The following NOD2 variants were observed in gnomAD, a reference collection of about 807,000 sequenced individuals.
NOD2 encodes the protein nucleotide-binding oligomerization domain-containing protein 2.
Under a neutral mutation model 90.9 loss-of-function variants are expected in NOD2, and 86 were observed. The ratio of observed to expected loss-of-function variants is 0.95; its 90% confidence interval spans 0.79 to 1.13. The LOEUF (loss-of-function observed/expected upper bound fraction) is 1.13. Among genes scored for constraint, NOD2 ranks in the 50% most tolerant of loss-of-function variants. The probability of loss-of-function intolerance (pLI) is 0.00; values close to 1 mark genes in which losing one functional copy is unlikely to be tolerated. For synonymous variants in NOD2, 581 were observed against 554.6 expected, an observed-to-expected ratio of 1.05 and a Z score of -0.67; for missense variants, 1,238 against 1,283.8, an observed-to-expected ratio of 0.96 and a Z score of 0.55.
At chr16:50,719,713 G>A (rs753130463) in intron 6 of NOD2, 88 of 683,706 alleles carry the variant, frequency 1.3e-4, no homozygotes, top group South Asian at 5.8e-4. Context: ...TGCAAACAGC[G>A]TCCCGCTGCC....
At chr16:50,707,469 A>G (rs1178513388) in intron 2 of NOD2, among the ~76,000 whole-genome samples, 1 of 152,218 alleles carries the variant, frequency 6.6e-6, no homozygotes, top group African/African-American at 2.4e-5. Flanking sequence ...CAGGCTGGAG[A>G]TGAAGATGTG....
intron 11 of NOD2, among the ~76,000 whole-genome samples, chr16:50,730,632 A>G (rs912179806): frequency 1.3e-5 from 2 of 152,242 alleles, no homozygotes; most frequent in South Asian, 2.1e-4. Flanking sequence ...TAGAAAATCT[A>G]TATCTCAGGG....
At chr16:50,718,842 C>T (rs982053334) in intron 6 of NOD2, among the ~76,000 whole-genome samples, 1 of 152,156 alleles carries the variant, frequency 6.6e-6, no homozygotes, top group Non-Finnish European at 1.5e-5. Flanking sequence ...GCTTGTTTCT[C>T]CTTATGTGAG....
intron 4 of NOD2, among the ~76,000 whole-genome samples, chr16:50,716,234 G>T (rs1398331027): frequency 6.6e-6 from 1 of 152,212 alleles, no homozygotes; most frequent in Non-Finnish European, 1.5e-5. Context: ...GCATATATCA[G>T]CTCCTTTCCA....
chr16:50,733,066 T>C lies in NOD2; in HGVS notation c.*1247T>C, dbSNP rs1965509297. 1 of 152,352 alleles carries C rather than the reference T, an allele frequency of 6.6e-6. No homozygotes were observed. The highest frequency in any genetic ancestry group is 1.5e-5 in the Non-Finnish European group (1 of 68,044). 9.4% of individuals were successfully genotyped at this position (152,352 alleles called of 1,614,324 possible). A position where few individuals can be genotyped will look rare whatever the true frequency, so the allele number is the denominator to read the frequency against. Reference sequence around the variant, plus strand: ...AAATAATCAGAGGGGAATAAACTGTTGAGTCAAAACAGCCATCTTCCTTGT... The same window carrying C: ...AAATAATCAGAGGGGAATAAACTGTCGAGTCAAAACAGCCATCTTCCTTGT... On this transcript the variant is annotated 3_prime_UTR_variant, in exon 12 of 12. Transcript: ENST00000647318.
chr16:50,717,947 A>G (rs1596887098), intron 6 of NOD2, among the ~76,000 whole-genome samples: 1 of 152,336 alleles, frequency 6.6e-6, no homozygotes, highest in East Asian at 1.9e-4. Context: ...AGCCCTACAC[A>G]TACCATGCTT....
intron 3 of NOD2, among the ~76,000 whole-genome samples, chr16:50,709,500 A>G (rs551675137): frequency 1.3e-5 from 2 of 152,274 alleles, no homozygotes; most frequent in South Asian, 2.1e-4. Flanking sequence ...TACTTTCAGG[A>G]TGAGAAAGGA....
Position 50,701,154 on chromosome 16 carries a change from C to T in NOD2, c.459+1200C>T, listed in dbSNP as rs1245375215. Reference sequence around the variant, plus strand: ...GGCCAGCACTGGTCATTGACTTATTCATCCATCATTCATTTATTCAGCCAG... The same window carrying T: ...GGCCAGCACTGGTCATTGACTTATTTATCCATCATTCATTTATTCAGCCAG... On this transcript the variant is annotated intron_variant, in intron 2 of 11. Transcript: ENST00000647318. 3.9e-5 allele frequency among the ~76,000 whole-genome samples: 6 copies of T among 152,214 alleles called. No homozygotes were observed. In the East Asian group the frequency reaches 9.6e-4, roughly 24 times the overall value.
In NOD2 at chr16:50,718,501, A is replaced by G. The variant is rs528861514; in HGVS notation, c.2550-1424A>G. Among the ~76,000 whole-genome samples the G allele has an allele frequency of 2.0e-5, 3 of 152,392 alleles. No individual in the cohort carries two copies. The South Asian group carries it at 6.2e-4, about 32-fold the overall frequency. ...TTTCCATTTAATATTTTTGGACTGC[A>G]GTTGATTTCAGATAACTGAAACCAT... is the stretch of plus-strand genomic sequence containing the variant. On this transcript the variant is annotated intron_variant, in intron 6 of 11. Transcript: ENST00000647318.
Position 50,699,906 on chromosome 16 carries a change from G to T in NOD2, c.411G>T (p.Gln137His). Residue 137 changes from glutamine to histidine, a missense_variant, in exon 2 of 12, where the codon CAG becomes CAT. Gln to His is a conservative substitution (Grantham distance 24, BLOSUM62 0). This residue lies in a region of NOD2 where 567 missense variants were observed against 577.3 expected (regional missense o/e 0.98). Coordinates refer to ENST00000647318, the MANE Select transcript of NOD2 (RefSeq NM_001370466.1). Reference protein sequence around the residue: ...DLAWERGFVSQYECDEIRLPI... With the variant: ...DLAWERGFVSHYECDEIRLPI... ...CATGGGAGCGGGGTTTCGTCAGCCAGTATGAATGTGATGAAATCAGGTTGC... is the reference window on the plus strand; with the variant it reads ...CATGGGAGCGGGGTTTCGTCAGCCATTATGAATGTGATGAAATCAGGTTGC... 1 of 1,611,898 alleles carries T rather than the reference G, an allele frequency of 6.2e-7. No homozygotes were observed. The highest frequency in any genetic ancestry group is 8.5e-7 in the Non-Finnish European group (1 of 1,180,024).
intron 1 of NOD2, chr16:50,697,646 G>A (rs930079326): frequency 8.2e-5 from 33 of 401,542 alleles, no homozygotes; most frequent in Admixed American, 4.7e-4. Context: ...GTGGGCACAA[G>A]GAGGAGAACT....
Position 50,722,635 on chromosome 16 carries a change from A to G in NOD2, c.2647A>G (p.Arg883Gly). 1 of 1,614,248 alleles carries G rather than the reference A, an allele frequency of 6.2e-7. No homozygotes were observed. Among genetic ancestry groups the G allele is most frequent in the Non-Finnish European group, 8.5e-7 (1 of 1,180,034 alleles). ...SLQFLGFWGN[R>G]VGDEGAQALA... Reference sequence around the variant, plus strand: ...TGGCCTTTTCAGATTCTGGGGCAACAGAGTGGGTGACGAGGGGGCCCAGGC... The same window carrying G: ...TGGCCTTTTCAGATTCTGGGGCAACGGAGTGGGTGACGAGGGGGCCCAGGC... The change falls in exon 8 of 12, where the codon AGA becomes GGA. Residue 883 changes from arginine to glycine, a missense_variant. Coordinates refer to ENST00000647318, the MANE Select transcript of NOD2 (RefSeq NM_001370466.1).
chr16:50,720,861 G>A (rs937148441), intron 7 of NOD2, among the ~76,000 whole-genome samples: 4 of 152,142 alleles, frequency 2.6e-5, no homozygotes, highest in African/African-American at 9.7e-5. Context: ...CTAGAGTGCA[G>A]TGGCACGATC....
Position 50,716,980 on chromosome 16 carries a change from C to T in NOD2, c.2549+6C>T. The T allele has an allele frequency of 6.2e-7, 1 of 1,613,730 alleles. No homozygotes were observed. Among genetic ancestry groups the T allele is most frequent in the Non-Finnish European group, 8.5e-7 (1 of 1,179,590 alleles). On this transcript the variant is annotated splice_donor_region_variant and intron_variant, in intron 6 of 11. Coordinates refer to ENST00000647318, the MANE Select transcript of NOD2 (RefSeq NM_001370466.1). ...CAGAACTTCTTGGCATTGAGGTGAG[C>T]CCAGGTTTTCCTTATTCCCTGGAAA...
intron 4 of NOD2, 44 bp downstream of exon 4, chr16:50,712,417 A>G (rs1964582604): frequency 1.9e-6 from 3 of 1,609,198 alleles, no homozygotes; most frequent in Non-Finnish European, 2.5e-6. Context: ...GGGGAGCACC[A>G]TCAAGGCTAA....
intron 2 of NOD2, among the ~76,000 whole-genome samples, chr16:50,702,761 G>C (rs961106285): frequency 3.9e-5 from 6 of 152,226 alleles, no homozygotes; most frequent in Admixed American, 2.6e-4. Flanking sequence ...TGACTACACT[G>C]TTTCTTAACA....
At chr16:50,704,506 A>C (rs1052098190) in intron 2 of NOD2, among the ~76,000 whole-genome samples, 2 of 151,244 alleles carry the variant, frequency 1.3e-5, no homozygotes, top group Non-Finnish European at 2.9e-5. Flanking sequence ...CTCTCTTTTC[A>C]ATATTGCTTC....
In NOD2 at chr16:50,729,801, T is replaced by C. The variant is rs757094587; in HGVS notation, c.2886-17T>C. The C allele has an allele frequency of 6.2e-7, 1 of 1,604,048 alleles. No homozygotes were observed. The highest frequency in any genetic ancestry group is 8.5e-7 in the Non-Finnish European group (1 of 1,171,598). The stretch of plus-strand genomic sequence containing the variant: ...ACCAAGAATCCTTGAAGCTCACCAT[T>C]GTATCTTCTTTTCCAGGTTGTCCAA... On this transcript the variant is annotated splice_polypyrimidine_tract_variant and intron_variant, in intron 10 of 11. Coordinates refer to ENST00000647318, the MANE Select transcript of NOD2 (RefSeq NM_001370466.1).
At chr16:50,716,817 G>A in intron 5 of NOD2, 74 bp from the exon 6 acceptor site, 1 of 1,525,692 alleles carries the variant, frequency 6.6e-7, no homozygotes, top group East Asian at 2.2e-5. Context: ...AGAGGGGAAG[G>A]GCAACCCTGG....
Sources: allele counts gnomAD v4.1 joint callset (sites outside exome capture counted in the v4.1 genomes callset), GRCh38; gene constraint gnomAD v4.1.1; regional missense constraint gnomAD v4.1.1; transcripts MANE v1.5; gene names NCBI Gene and HGNC (gene_info 2026-07-23, HGNC 2026-07-21).